The following BROX variants were observed in gnomAD, a reference collection of about 807,000 sequenced individuals.
The protein encoded by BROX is BRO1 domain and CAAX motif containing, also known as BRO1 domain-containing protein BROX.
Under a neutral mutation model 61.0 loss-of-function variants are expected in BROX, and 53 were observed. The ratio of observed to expected loss-of-function variants is 0.87; its 90% CI spans 0.70 to 1.09. BROX has a LOEUF of 1.09. Among genes scored for constraint, BROX ranks in the 50% least tolerant of loss-of-function variants. The probability of loss-of-function intolerance (pLI) is 0.00; values close to 1 mark genes in which losing one functional copy is unlikely to be tolerated. For missense variants in BROX, 489 were observed against 472.0 expected (o/e 1.04, Z -0.33); for synonymous variants, 152 against 160.2 (o/e 0.95, Z 0.38).
intron 8 of BROX, 120 bp from the exon 9 acceptor site, chr1:222,728,623 A>G: frequency 3.6e-6 from 2 of 548,912 alleles, no homozygotes; most frequent in East Asian, 2.9e-5. Flanking sequence ...AAAAAATTAA[A>G]TTCTTGAGTT....
intron 12 of BROX, among the ~76,000 whole-genome samples, 174 bp downstream of exon 12, chr1:222,731,690 T>C (rs999766600): frequency 2.6e-5 from 4 of 152,220 alleles, no homozygotes; most frequent in African/African-American, 9.6e-5. Context: ...AGATAAGACC[T>C]CTAGGCCTTA....
At chr1:222,713,069 CCTT>C (rs1295087995) in intron 1 of BROX, 127 bp downstream of exon 1, 4 of 1,034,884 alleles carry the variant, frequency 3.9e-6, no homozygotes, top group African/African-American at 3.4e-5. Context: ...CCAAAAGTCT[CCTT>C]CTAGTGCCTT....
In BROX at chr1:222,732,771, C is replaced by T; in HGVS notation, c.*57C>T. ...GTAAATAAGATAAACCACAGAATTT[C>T]AGTTCTTATTTCTCAAAATGATTTC... On this transcript the variant is annotated 3_prime_UTR_variant, in exon 13 of 13. Transcript: ENST00000340934. The T allele has an allele frequency of 7.5e-7, 1 of 1,330,326 alleles. No homozygotes were observed. Among genetic ancestry groups the T allele is most frequent in the Non-Finnish European group, 1.1e-6 (1 of 941,024 alleles). 82.4% of individuals were successfully genotyped at this position (1,330,326 alleles called of 1,614,324 possible).
chr1:222,717,240 C>T (rs527418352), intron 2 of BROX, among the ~76,000 whole-genome samples: 4 of 152,178 alleles, frequency 2.6e-5, no homozygotes, highest in Non-Finnish European at 4.4e-5. Context: ...AAATAAGCTG[C>T]GGGGTATACA....
intron 8 of BROX, among the ~76,000 whole-genome samples, chr1:222,727,669 G>T (rs1355654657): frequency 3.9e-5 from 6 of 152,134 alleles, no homozygotes; most frequent in Non-Finnish European, 7.4e-5. Flanking sequence ...AAACATGCAT[G>T]TGTTTTTATT....
intron 7 of BROX, among the ~76,000 whole-genome samples, chr1:222,725,958 G>T (rs558532489): frequency 6.6e-6 from 1 of 152,222 alleles, no homozygotes; most frequent in African/African-American, 2.4e-5. Context: ...CCAGAATCAG[G>T]CTTTAGATTT....
At chr1:222,728,132 G>C (rs1011868228) in intron 8 of BROX, among the ~76,000 whole-genome samples, 1 of 152,166 alleles carries the variant, frequency 6.6e-6, no homozygotes, top group Non-Finnish European at 1.5e-5. Flanking sequence ...TTTAAGAAAG[G>C]TCCCTATAGT....
intron 4 of BROX, among the ~76,000 whole-genome samples, chr1:222,719,630 G>A (rs992230270): frequency 6.6e-6 from 1 of 152,186 alleles, no homozygotes; most frequent in African/African-American, 2.4e-5. Flanking sequence ...CACAAAGGAT[G>A]ATTTGAGGAT....
intron 5 of BROX, 22 bp downstream of exon 5, chr1:222,722,536 G>A: frequency 6.8e-7 from 1 of 1,465,922 alleles, no homozygotes; most frequent in South Asian, 1.2e-5. Flanking sequence ...GGAGAGGATT[G>A]TGTACATCTG....
Position 222,725,451 on chromosome 1 carries a change from A to T in BROX, c.476A>T (p.Glu159Val). Residue 159 changes from glutamate (E) to valine (V), a missense_variant and splice_region_variant, in exon 7 of 13, where the codon GAA (glutamate) becomes GTA (valine). Glu to Val is a moderately radical substitution (Grantham distance 121). Coordinates refer to ENST00000340934, the MANE Select transcript of BROX (RefSeq NM_144695.4). The part of the protein sequence containing the change: ...IAAGIFKHLK[E>V]SHLPKLITPA... ...TGTCTTTTTTGTTGTTGTTCTCAGGAAAGTCATCTCCCAAAACTCATTACA... is the reference window on the plus strand; with the variant it reads ...TGTCTTTTTTGTTGTTGTTCTCAGGTAAGTCATCTCCCAAAACTCATTACA... 1.9e-6 allele frequency: 3 copies of T among 1,591,124 alleles called. No homozygotes were observed. The highest frequency in any genetic ancestry group is 2.6e-6 in the Non-Finnish European group (3 of 1,171,628).
rs1249826158 is a variant in BROX, at chr1:222,712,657, A to G, written c.-302A>G. On this transcript the variant is annotated 5_prime_UTR_variant, in exon 1 of 13. It adds an upstream start codon to the 5' untranslated region. Coordinates refer to ENST00000340934, the MANE Select transcript of BROX (RefSeq NM_144695.4). ...TCTTCCTGTCTGGGAAAAAGACCAT[A>G]GCTCAAAAGGAAGGCCGAGGGAGAA... The G allele has an allele frequency of 7.6e-6, 10 of 1,308,458 alleles. No individual in the cohort carries two copies. Among genetic ancestry groups the G allele is most frequent in the Non-Finnish European group, 1.0e-5 (10 of 1,000,010 alleles). 81.1% of individuals were successfully genotyped at this position (1,308,458 alleles called of 1,614,324 possible). A position where few individuals can be genotyped will look rare whatever the true frequency, so the allele number is the denominator to read the frequency against.
At chr1:222,714,305 G>A (rs1439729032) in intron 1 of BROX, among the ~76,000 whole-genome samples, 1 of 147,694 alleles carries the variant, frequency 6.8e-6, no homozygotes, top group African/African-American at 2.5e-5. Context: ...TCCGCCTCCT[G>A]GGTTCTCCTG....
intron 4 of BROX, among the ~76,000 whole-genome samples, 194 bp from the exon 5 acceptor site, chr1:222,722,225 G>A (rs1657154511): frequency 6.6e-6 from 1 of 152,036 alleles, no homozygotes; most frequent in Non-Finnish European, 1.5e-5. Context: ...GTACCTTCTG[G>A]ACCATTATAC....
chr1:222,718,577 A>G (rs1034221932), intron 2 of BROX, among the ~76,000 whole-genome samples: 7 of 152,062 alleles, frequency 4.6e-5, no homozygotes, highest in African/African-American at 1.7e-4. Context: ...TCTTAAGTGC[A>G]TGCATTTGTT....
intron 2 of BROX, among the ~76,000 whole-genome samples, chr1:222,716,444 C>G (rs765136870): frequency 6.6e-6 from 1 of 152,184 alleles, no homozygotes; most frequent in African/African-American, 2.4e-5. Context: ...TTCTTGACTT[C>G]AGAATAAGGA....
intron 4 of BROX, among the ~76,000 whole-genome samples, chr1:222,721,602 A>G (rs1657103843): frequency 6.6e-6 from 1 of 152,206 alleles, no homozygotes; most frequent in Non-Finnish European, 1.5e-5. Flanking sequence ...TCTAAGAACA[A>G]TAGTGAATAT....
At position 222,712,797 on chromosome 1, in the gene BROX, T is replaced by C. The variant is rs576542786; in HGVS notation, c.-162T>C. The C allele has an allele frequency of 1.6e-6, 2 of 1,289,176 alleles. No homozygotes were observed. Among genetic ancestry groups the C allele is most frequent in the South Asian group, 2.5e-5 (2 of 80,942 alleles). 79.9% of individuals were successfully genotyped at this position (1,289,176 alleles called of 1,614,324 possible). On this transcript the variant is annotated 5_prime_UTR_variant, in exon 1 of 13. Transcript: ENST00000340934. The stretch of plus-strand genomic sequence containing the variant: ...TAGCTATCATGGCCGCCGGGTCACG[T>C]GACTCCGGCTTGGCGCCGTCCTGGT...
In BROX at chr1:222,719,376, T is replaced by G; in HGVS notation, c.305+17T>G. On this transcript the variant is annotated intron_variant, in intron 4 of 12. Coordinates refer to ENST00000340934, the MANE Select transcript of BROX (RefSeq NM_144695.4). ...GGTTCCAAGGTAAGCAACACTAAAG[T>G]AATACTAAATTGGAGCCAGTTTTTG... 1.9e-6 allele frequency: 3 copies of G among 1,550,270 alleles called. No homozygotes were observed. Among genetic ancestry groups the G allele is most frequent in the Non-Finnish European group, 2.7e-6 (3 of 1,124,120 alleles).
Position 222,714,698 on chromosome 1 carries a change from T to A in BROX, c.-16-986T>A, listed in dbSNP as rs1571957334. ...TACGTCTCCTGGACTCAGGGGATCC[T>A]CCCTCCTCAGTCTTCCCAGTAGCTA... On this transcript the variant is annotated intron_variant, in intron 1 of 12. Coordinates refer to ENST00000340934, the MANE Select transcript of BROX (RefSeq NM_144695.4). 2.6e-5 allele frequency among the ~76,000 whole-genome samples: 4 copies of A among 152,032 alleles called. No individual in the cohort carries two copies. The South Asian group carries it at 8.3e-4, about 32-fold the overall frequency.
Sources: allele counts gnomAD v4.1 joint callset (sites outside exome capture counted in the v4.1 genomes callset), GRCh38; gene constraint gnomAD v4.1.1; transcripts MANE v1.5; gene names NCBI Gene and HGNC (gene_info 2026-07-23, HGNC 2026-07-21).